Variants in CAMK2D observed in about 807,000 individuals in gnomAD.
CAMK2D encodes the protein calcium/calmodulin-dependent protein kinase type II subunit delta.
CAMK2D carries 37 observed loss-of-function variants against 84.0 expected under a neutral mutation model. The ratio of observed to expected loss-of-function variants is 0.44; its 90% CI spans 0.34 to 0.58. CAMK2D has a LOEUF of 0.58. Among genes scored for constraint, CAMK2D ranks in the 20% least tolerant of loss-of-function variants. The probability of loss-of-function intolerance (pLI) is 0.02; values close to 1 mark genes in which losing one functional copy is unlikely to be tolerated. For missense variants in CAMK2D, 448 were observed against 652.5 expected (o/e 0.69, Z 3.41); for synonymous variants, 202 against 212.5 (o/e 0.95, Z 0.43).
At chr4:113,631,455 G>A (rs947788348) in intron 3 of CAMK2D, among the ~76,000 whole-genome samples, 1 of 152,178 alleles carries the variant, frequency 6.6e-6, no homozygotes, top group African/African-American at 2.4e-5. Context: ...GGCTGCAGTT[G>A]ACATTTCCAA....
At chr4:113,696,961 T>C (rs1450993012) in intron 2 of CAMK2D, among the ~76,000 whole-genome samples, 1 of 152,096 alleles carries the variant, frequency 6.6e-6, no homozygotes, top group African/African-American at 2.4e-5. Flanking sequence ...TTTGAGGTAG[T>C]ATGAAAAGCA....
intron 18 of CAMK2D, among the ~76,000 whole-genome samples, chr4:113,459,876 T>G (rs1177465285): frequency 6.6e-6 from 1 of 152,042 alleles, no homozygotes; most frequent in East Asian, 1.9e-4. Flanking sequence ...TCCACCCGCC[T>G]CGGCCCCCAA....
chr4:113,761,538 G>T lies in CAMK2D; in HGVS notation c.-470C>A. ...GGAGTGCAGCGGGGCCGAGGCCGCG[G>T]AGCCCAGAGCGGACAGCCTGAGCCC... On this transcript the variant is annotated 5_prime_UTR_variant, in exon 1 of 21. Coordinates refer to ENST00000511664, the MANE Select transcript of CAMK2D (RefSeq NM_001321571.2). 3.0e-6 allele frequency: 3 copies of T among 999,088 alleles called. No homozygotes were observed. Among genetic ancestry groups the T allele is most frequent in the Admixed American group, 5.8e-5 (1 of 17,388 alleles). 61.9% of individuals were successfully genotyped at this position (999,088 alleles called of 1,614,324 possible).
intron 2 of CAMK2D, among the ~76,000 whole-genome samples, chr4:113,728,141 C>A (rs186005391): frequency 1.1e-3 from 175 of 152,212 alleles, no homozygotes; most frequent in African/African-American, 3.7e-3. Flanking sequence ...ACCTTACAAT[C>A]CATCAATTCT....
intron 3 of CAMK2D, among the ~76,000 whole-genome samples, chr4:113,645,451 G>C (rs1438599721): frequency 6.6e-6 from 1 of 152,042 alleles, no homozygotes; most frequent in Non-Finnish European, 1.5e-5. Context: ...CAATGACAAA[G>C]AGGTAGCACT....
chr4:113,551,844 A>G (rs2098631676), intron 5 of CAMK2D, among the ~76,000 whole-genome samples, 187 bp downstream of exon 5: 2 of 152,170 alleles, frequency 1.3e-5, no homozygotes, highest in African/African-American at 4.8e-5. Flanking sequence ...TTTTGATAAA[A>G]TATGTAATCT....
Position 113,596,631 on chromosome 4 carries a change from T to A in CAMK2D, c.275+12521A>T, listed in dbSNP as rs148582508. 7.2e-5 allele frequency among the ~76,000 whole-genome samples: 11 copies of A among 152,238 alleles called. No homozygotes were observed. In the East Asian group the frequency reaches 1.9e-3, roughly 27 times the overall value. On this transcript the variant is annotated intron_variant, in intron 4 of 20. Transcript: ENST00000511664. Reference sequence around the variant, plus strand: ...CCGTCAGAGCTCTTGGGCAACTAGGTCAATTGTCGGTGTGCAGTAATATTT... The same window carrying A: ...CCGTCAGAGCTCTTGGGCAACTAGGACAATTGTCGGTGTGCAGTAATATTT...
chr4:113,490,717 G>A lies in CAMK2D; in HGVS notation c.1135+9746C>T, dbSNP rs551164239. Among the ~76,000 whole-genome samples, 308 of 150,090 alleles carry A rather than the reference G, an allele frequency of 2.1e-3. 1 individual carries two copies. The highest frequency in any genetic ancestry group is 3.7e-3 in the Non-Finnish European group (248 of 67,410). ...GCTTCATGAGGATGGCATTGAATCT[G>A]TAAATTACCTTGGGCAGTATGGTCA... On this transcript the variant is annotated intron_variant, in intron 16 of 20. Transcript: ENST00000511664.
Position 113,537,463 on chromosome 4 carries a change from A to C in CAMK2D, c.415-20T>G, listed in dbSNP as rs763876406. The C allele has an allele frequency of 1.2e-5, 17 of 1,422,004 alleles. No individual in the cohort carries two copies. Among genetic ancestry groups the C allele is most frequent in the Non-Finnish European group, 1.6e-5 (16 of 1,008,908 alleles). The allele number at this position is 1,422,004 out of a possible 1,614,324, so 88.1% of individuals were successfully genotyped here. ...CTCAGGCTTTATTTAGAAAGAAAAA[A>C]AAAGAGACTGAAGTGAGAACCTATT... On this transcript the variant is annotated intron_variant, in intron 6 of 20. Transcript: ENST00000511664.
At position 113,537,448 on chromosome 4, in the gene CAMK2D, AT is replaced by A; in HGVS notation, c.415-6del. 1 of 1,548,122 alleles carries A rather than the reference AT, an allele frequency of 6.5e-7. No individual in the cohort carries two copies. The highest frequency in any genetic ancestry group is 8.9e-7 in the Non-Finnish European group (1 of 1,123,990). ...AGCTAAAAGCAAATTCTCAGGCTTTATTTAGAAAGAAAAAAAAAGAGACTGA... is the reference window on the plus strand; with the variant it reads ...AGCTAAAAGCAAATTCTCAGGCTTTATTAGAAAGAAAAAAAAAGAGACTGA... On this transcript the variant is annotated splice_region_variant and splice_polypyrimidine_tract_variant and intron_variant, in intron 6 of 20. Coordinates refer to ENST00000511664, the MANE Select transcript of CAMK2D (RefSeq NM_001321571.2).
intron 16 of CAMK2D, among the ~76,000 whole-genome samples, chr4:113,491,691 G>A (rs2097846005): frequency 6.6e-6 from 1 of 152,124 alleles, no homozygotes; most frequent in Non-Finnish European, 1.5e-5. Context: ...TTTTTCTATT[G>A]ATTGGAATAG....
intron 4 of CAMK2D, among the ~76,000 whole-genome samples, chr4:113,575,231 TAGA>T (rs2098775010): frequency 6.6e-6 from 1 of 152,114 alleles, no homozygotes; most frequent in Non-Finnish European, 1.5e-5. Context: ...AGAAAGACAA[TAGA>T]AGAACTAATA....
chr4:113,460,228 G>T lies in CAMK2D; in HGVS notation c.1225C>A (p.Pro409Thr). The T allele has an allele frequency of 1.3e-6, 2 of 1,589,542 alleles. No homozygotes were observed. The highest frequency in any genetic ancestry group is 2.2e-5 in the East Asian group (1 of 44,624). ...TCAGGTTCAAAAGCAGTAAGGCCTG[G>T]GTCACAGATTTTTCTGTAAAAGAAA... is the stretch of plus-strand genomic sequence containing the variant. Reference protein sequence around the residue: ...DFEAYTKICDPGLTAFEPEAL... With the variant: ...DFEAYTKICDTGLTAFEPEAL... Residue 409 changes from proline (P) to threonine (T), a missense_variant, in exon 18 of 21, where the codon CCA (proline) becomes ACA (threonine). Physicochemically the swap from Pro to Thr is conservative, Grantham distance 38. Coordinates refer to ENST00000511664, the MANE Select transcript of CAMK2D (RefSeq NM_001321571.2).
intron 2 of CAMK2D, among the ~76,000 whole-genome samples, chr4:113,664,986 T>C (rs2099252085): frequency 1.3e-5 from 2 of 152,148 alleles, no homozygotes; most frequent in South Asian, 4.1e-4. Flanking sequence ...GTATTTTTGG[T>C]AGAGATGTGG....
chr4:113,564,451 C>T (rs1320364162), intron 4 of CAMK2D, among the ~76,000 whole-genome samples: 2 of 152,286 alleles, frequency 1.3e-5, no homozygotes, highest in South Asian at 4.1e-4. Flanking sequence ...TCCAGAAATA[C>T]TTCTCTGAAA....
intron 16 of CAMK2D, among the ~76,000 whole-genome samples, chr4:113,499,496 T>C (rs1281471269): frequency 6.6e-6 from 1 of 152,176 alleles, no homozygotes; most frequent in East Asian, 1.9e-4. Flanking sequence ...CCTGAGAATT[T>C]CCAAATCCTT....
At chr4:113,694,428 A>T (rs544479822) in intron 2 of CAMK2D, among the ~76,000 whole-genome samples, 1 of 152,322 alleles carries the variant, frequency 6.6e-6, no homozygotes, top group Non-Finnish European at 1.5e-5. Context: ...ATCACTAAAA[A>T]ATGCTTTATC....
intron 3 of CAMK2D, among the ~76,000 whole-genome samples, chr4:113,625,213 C>T (rs758531779): frequency 2.0e-5 from 3 of 152,070 alleles, no homozygotes; most frequent in Non-Finnish European, 2.9e-5. Context: ...CTTATTCTTC[C>T]AGTGAATATT....
intron 6 of CAMK2D, among the ~76,000 whole-genome samples, chr4:113,546,991 C>A (rs1254048417): frequency 6.6e-6 from 1 of 152,016 alleles, no homozygotes; most frequent in Non-Finnish European, 1.5e-5. Flanking sequence ...ATAGGGATAT[C>A]CATATATATT....
Sources: gnomAD v4.1 joint callset for allele counts (sites outside exome capture counted in the v4.1 genomes callset) on GRCh38, gnomAD v4.1.1 for gene constraint, MANE v1.5 for transcripts, NCBI Gene and HGNC (gene_info 2026-07-23, HGNC 2026-07-21) for gene names.